Variants in POLB observed in about 807,000 individuals in gnomAD.
POLB encodes 5'-dRP lyase.
Under a neutral mutation model 52.7 loss-of-function variants are expected in POLB, and 37 were observed. The observed-to-expected ratio is 0.70, with a 90% confidence interval of 0.54 to 0.92. POLB has a LOEUF of 0.92. Among genes scored for constraint, POLB ranks in the 40% least tolerant of loss-of-function variants. The probability of loss-of-function intolerance (pLI) is 0.00; values close to 1 mark genes in which losing one functional copy is unlikely to be tolerated. For missense variants in POLB, 313 were observed against 400.8 expected (o/e 0.78, Z 1.87); for synonymous variants, 138 against 131.3 (o/e 1.05, Z -0.35).
intron 9 of POLB, among the ~76,000 whole-genome samples, chr8:42,359,796 T>G (rs971251989): frequency 6.6e-6 from 1 of 152,112 alleles, no homozygotes; most frequent in Non-Finnish European, 1.5e-5. Context: ...TTTTTGTTTT[T>G]TTTTTAATAA....
At chr8:42,348,992 T>C (rs775675287) in intron 3 of POLB, 24 bp from the exon 4 acceptor site, 2 of 1,417,716 alleles carry the variant, frequency 1.4e-6, no homozygotes, top group Admixed American at 1.8e-5. Flanking sequence ...CATATGACTT[T>C]TATATTTCTA....
At chr8:42,363,645 T>C (rs1408310919) in intron 11 of POLB, among the ~76,000 whole-genome samples, 1 of 151,954 alleles carries the variant, frequency 6.6e-6, no homozygotes, top group Admixed American at 6.6e-5. Context: ...TAGCAAATGG[T>C]TCTCATCTTC....
rs1056224094 is a variant in POLB at position 42,358,098 on chromosome 8, C to T, written c.550+706C>T. On this transcript the variant is annotated intron_variant, in intron 9 of 13. Transcript: ENST00000265421. ...GTTCAAAACCAATTCTTACAACAAC[C>T]GGGTTCATCAGAAGAGTTCTGCTTA... is the stretch of plus-strand genomic sequence containing the variant. 2.6e-5 allele frequency among the ~76,000 whole-genome samples: 4 copies of T among 152,068 alleles called. No individual in the cohort carries two copies. The South Asian group carries it at 6.2e-4, about 24-fold the overall frequency.
chr8:42,341,976 A>G, intron 2 of POLB: 1 of 740,582 alleles, frequency 1.4e-6, no homozygotes, highest in South Asian at 1.4e-5. Context: ...TTCTTTATGT[A>G]TTGAGAGAAC....
chr8:42,367,859 G>T (rs1363477142), intron 11 of POLB, among the ~76,000 whole-genome samples: 1 of 152,126 alleles, frequency 6.6e-6, no homozygotes, highest in Non-Finnish European at 1.5e-5. Flanking sequence ...GTGCCATTCA[G>T]ATTTCAGTAT....
intron 9 of POLB, among the ~76,000 whole-genome samples, chr8:42,359,974 G>A (rs942361166): frequency 1.3e-5 from 2 of 151,312 alleles, no homozygotes; most frequent in Non-Finnish European, 2.9e-5. Flanking sequence ...TTGAGGCAGA[G>A]TCTCGCTTTG....
At position 42,355,562 on chromosome 8, in the gene POLB, G is replaced by A. The variant is rs1370932719; in HGVS notation, c.417G>A (p.Gly139=). 6.3e-7 allele frequency: 1 copy of A among 1,589,620 alleles called. No individual in the cohort carries two copies. Among genetic ancestry groups the A allele is most frequent in the South Asian group, 1.1e-5 (1 of 90,346 alleles). ...EDKLNHHQRI[G]LKYFGDFEKR... is the part of the protein sequence containing the mutation. Reference sequence around the variant, plus strand: ...AATTGAACCATCATCAGCGAATTGGGCTGAAGTAAGATGGCAGATTTTCTT... The same window carrying A: ...AATTGAACCATCATCAGCGAATTGGACTGAAGTAAGATGGCAGATTTTCTT... Residue 139 remains glycine (G), a synonymous_variant, in exon 7 of 14, where the codon GGG becomes GGA. Coordinates refer to ENST00000265421, the MANE Select transcript of POLB (RefSeq NM_002690.3).
At chr8:42,352,008 G>A (rs1050580783) in intron 5 of POLB, among the ~76,000 whole-genome samples, 1 of 152,114 alleles carries the variant, frequency 6.6e-6, no homozygotes. Flanking sequence ...CTAGATAGCT[G>A]GTTCTTTAGT....
chr8:42,371,546 T>C lies in POLB; in HGVS notation c.914-17T>C. 6.7e-7 allele frequency: 1 copy of C among 1,502,310 alleles called. No individual in the cohort carries two copies. The highest frequency in any genetic ancestry group is 9.2e-7 in the Non-Finnish European group (1 of 1,082,310). 93.1% of individuals were successfully genotyped at this position (1,502,310 alleles called of 1,614,324 possible). A position where few individuals can be genotyped will look rare whatever the true frequency, so the allele number is the denominator to read the frequency against. ...AAAACTGGTTCTTACAATAAGTTTT[T>C]CTCTCTGTACTTGCAGGAGTTGCAG... On this transcript the variant is annotated splice_polypyrimidine_tract_variant and intron_variant, in intron 13 of 13. Transcript: ENST00000265421.
At chr8:42,350,709 G>A (rs1822924601) in intron 5 of POLB, among the ~76,000 whole-genome samples, 2 of 152,226 alleles carry the variant, frequency 1.3e-5, no homozygotes, top group South Asian at 2.1e-4. Context: ...TTTATGGCAT[G>A]GGGCATTCCT....
chr8:42,357,492 C>A, intron 9 of POLB, 100 bp downstream of exon 9: 1 of 705,742 alleles, frequency 1.4e-6, no homozygotes, highest in Non-Finnish European at 2.6e-6. Flanking sequence ...TGTGGTACTT[C>A]ATAGACTCAC....
At chr8:42,367,131 C>A (rs1052967775) in intron 11 of POLB, among the ~76,000 whole-genome samples, 1 of 152,190 alleles carries the variant, frequency 6.6e-6, no homozygotes, top group Admixed American at 6.5e-5. Flanking sequence ...CAAATACATA[C>A]AAGCATGTCC....
At chr8:42,370,424 G>A (rs1824311638) in intron 13 of POLB, among the ~76,000 whole-genome samples, 1 of 152,054 alleles carries the variant, frequency 6.6e-6, no homozygotes. Flanking sequence ...CTGAATCTAT[G>A]CTTAATGGGT....
chr8:42,362,542 A>T, intron 10 of POLB, 70 bp from the exon 11 acceptor site: 3 of 946,494 alleles, frequency 3.2e-6, no homozygotes, highest in Non-Finnish European at 1.7e-6. Flanking sequence ...CTCTAAAAAT[A>T]TTGTTAAATA....
intron 2 of POLB, among the ~76,000 whole-genome samples, chr8:42,340,555 G>A (rs890012744): frequency 6.6e-6 from 1 of 152,206 alleles, no homozygotes; most frequent in Non-Finnish European, 1.5e-5. Flanking sequence ...TTTCAGATAA[G>A]GGATAGTTAA....
intron 3 of POLB, among the ~76,000 whole-genome samples, chr8:42,347,331 GTAATTCTAGAAA>G (rs1822687559): frequency 8.2e-6 from 1 of 121,576 alleles, no homozygotes; most frequent in South Asian, 2.8e-4. Context: ...TTACTCCTCA[GTAATTCTAGAAA>G]TTATTCTAGA....
chr8:42,357,528 G>A (rs542708278), intron 9 of POLB, 136 bp downstream of exon 9: 5 of 546,154 alleles, frequency 9.2e-6, no homozygotes, highest in Admixed American at 7.1e-5. Context: ...TTAGTTAAGG[G>A]TATTTGTTTA....
intron 11 of POLB, among the ~76,000 whole-genome samples, chr8:42,366,591 T>G (rs190731753): frequency 1.3e-5 from 2 of 152,302 alleles, no homozygotes; most frequent in African/African-American, 4.8e-5. Context: ...TTGTAATCAT[T>G]GTTAGGAAGA....
At chr8:42,371,540 A>G in intron 13 of POLB, 23 bp from the exon 14 acceptor site, 1 of 1,365,272 alleles carries the variant, frequency 7.3e-7, no homozygotes, top group Non-Finnish European at 1.0e-6. Context: ...TCTTACAATA[A>G]GTTTTTCTCT....
Sources: gnomAD v4.1 joint callset for allele counts (sites outside exome capture counted in the v4.1 genomes callset) on GRCh38, gnomAD v4.1.1 for gene constraint, MANE v1.5 for transcripts, NCBI Gene and HGNC (gene_info 2026-07-23, HGNC 2026-07-21) for gene names.